ZSWIM5: variants seen among roughly 807,000 people sequenced by gnomAD.
ZSWIM5 encodes zinc finger SWIM domain-containing protein 5.
A neutral mutation model predicts 119.6 loss-of-function variants in ZSWIM5; 55 were observed. The ratio of observed to expected loss-of-function variants is 0.46; its 90% confidence interval spans 0.37 to 0.58. The LOEUF (loss-of-function observed/expected upper bound fraction) is 0.58. ZSWIM5 is among the 20% of genes least tolerant of loss of function. The pLI is 0.00. For synonymous variants in ZSWIM5, 537 were observed against 606.9 expected (o/e 0.88, Z 1.69); for missense variants, 1,193 against 1,512.8 (o/e 0.79, Z 3.51).
chr1:45,051,710 CA>C (rs1297535628), intron 4 of ZSWIM5, among the ~76,000 whole-genome samples: 1 of 152,144 alleles, frequency 6.6e-6, no homozygotes, highest in Non-Finnish European at 1.5e-5. Context: ...GGGCATTTAA[CA>C]CAAGGACATG....
chr1:45,054,801 A>G (rs1396099027), intron 4 of ZSWIM5, among the ~76,000 whole-genome samples: 1 of 152,126 alleles, frequency 6.6e-6, no homozygotes, highest in Non-Finnish European at 1.5e-5. Context: ...ATGTAAAAGA[A>G]AATAGGGAAT....
At chr1:45,133,628 G>A (rs1014437085) in intron 1 of ZSWIM5, among the ~76,000 whole-genome samples, 19 of 152,138 alleles carry the variant, frequency 1.2e-4, no homozygotes, top group Admixed American at 9.8e-4. Context: ...GATCCCATTT[G>A]TCAATTTTGG....
chr1:45,173,142 G>A (rs1225867429), intron 1 of ZSWIM5, among the ~76,000 whole-genome samples: 2 of 152,068 alleles, frequency 1.3e-5, no homozygotes, highest in East Asian at 3.8e-4. Flanking sequence ...TCCAGCCTGG[G>A]TGACATAGCA....
At chr1:45,070,055 G>A (rs940242155) in intron 2 of ZSWIM5, 55 of 853,900 alleles carry the variant, frequency 6.4e-5, no homozygotes, top group Non-Finnish European at 1.1e-4. Context: ...AGACACACAC[G>A]AATCCAATGA....
At chr1:45,078,436 C>G (rs935965487) in intron 2 of ZSWIM5, among the ~76,000 whole-genome samples, 2 of 152,160 alleles carry the variant, frequency 1.3e-5, no homozygotes, top group African/African-American at 4.8e-5. Context: ...AGAGGTACTA[C>G]CTTGGTGGTC....
In ZSWIM5 at chr1:45,205,915, C is replaced by A; in HGVS notation, c.436G>T (p.Ala146Ser). ...CCGGGGGCGGAGCCGGCCGGAGCGG[C>A]GGCCCCGGGGGGTGGCTGCGGCCCC... ...EEGPQPPPGAAAPAGSAPGGV... is the reference protein window; with the variant it reads ...EEGPQPPPGASAPAGSAPGGV... The change falls in exon 1 of 14, where the codon GCC becomes TCC. Residue 146 changes from alanine to serine, a missense_variant. This residue lies in a region of ZSWIM5 where 232 missense variants were observed against 222.9 expected (regional missense o/e 1.04). Coordinates refer to ENST00000359600, the MANE Select transcript of ZSWIM5 (RefSeq NM_020883.2). 1 of 1,066,452 alleles carries A rather than the reference C, an allele frequency of 9.4e-7. No homozygotes were observed. The allele number at this position is 1,066,452 out of a possible 1,614,324, so 66.1% of individuals were successfully genotyped here. A position where few individuals can be genotyped will look rare whatever the true frequency, so the allele number is the denominator to read the frequency against.
intron 5 of ZSWIM5, among the ~76,000 whole-genome samples, chr1:45,048,903 T>C (rs1557748199): frequency 6.6e-6 from 1 of 152,146 alleles, no homozygotes; most frequent in Admixed American, 6.6e-5. Context: ...GGAGGATTGC[T>C]TCAGCTCAGG....
At position 45,075,211 on chromosome 1, in the gene ZSWIM5, A is replaced by G. The variant is rs893837803; in HGVS notation, c.952+12670T>C. Among the ~76,000 whole-genome samples the G allele has an allele frequency of 6.6e-5, 10 of 151,948 alleles. 1 individual carries two copies. The highest frequency in any genetic ancestry group is 2.4e-4 in the African/African-American group (10 of 41,244). ...GCTGCTGGCTGAAATGTTCGTAAAT[A>G]TCTATTAGTTGCATTTGGTCTATAG... On this transcript the variant is annotated intron_variant, in intron 2 of 13. Transcript: ENST00000359600.
intron 1 of ZSWIM5, among the ~76,000 whole-genome samples, chr1:45,158,810 T>C (rs1046441194): frequency 2.0e-5 from 3 of 152,164 alleles, no homozygotes; most frequent in Admixed American, 6.5e-5. Flanking sequence ...TACAAATCAT[T>C]ACAATAGAGA....
chr1:45,016,721 C>T lies in ZSWIM5; in HGVS notation c.*1733G>A, dbSNP rs901578192. 2.0e-5 allele frequency: 3 copies of T among 152,196 alleles called. No individual in the cohort carries two copies. The highest frequency in any genetic ancestry group is 6.5e-5 in the Admixed American group (1 of 15,286). 9.4% of individuals were successfully genotyped at this position (152,196 alleles called of 1,614,324 possible). A position where few individuals can be genotyped will look rare whatever the true frequency, so the allele number is the denominator to read the frequency against. ...ACCACCCCTTCCCTATCAAACCCCA[C>T]CCCCAACTCAGGAACTAAGACATGA... On this transcript the variant is annotated 3_prime_UTR_variant, in exon 14 of 14. Transcript: ENST00000359600.
In ZSWIM5 at chr1:45,043,264, T is replaced by C. The variant is rs756839690; in HGVS notation, c.1564A>G (p.Ser522Gly). The change falls in exon 6 of 14, where the codon AGT (serine) becomes GGT (glycine). Residue 522 changes from serine to glycine, a missense_variant. Transcript: ENST00000359600. Reference protein sequence around the residue: ...VYTAPACQRESERLLFNSQGQ... With the variant: ...VYTAPACQREGERLLFNSQGQ... ...TGGGAATTAAAGAGTAGTCTTTCAC[T>C]TTCCCGCTGGCAGGCAGGAGCTGTA... 6.2e-7 allele frequency: 1 copy of C among 1,614,148 alleles called. No homozygotes were observed. The highest frequency in any genetic ancestry group is 1.7e-5 in the Admixed American group (1 of 60,020).
In ZSWIM5 at chr1:45,051,269, A is replaced by G; in HGVS notation, c.1253-16T>C. The G allele has an allele frequency of 6.2e-7, 1 of 1,608,814 alleles. No homozygotes were observed. The highest frequency in any genetic ancestry group is 8.5e-7 in the Non-Finnish European group (1 of 1,177,862). On this transcript the variant is annotated splice_polypyrimidine_tract_variant and intron_variant, in intron 4 of 13. Coordinates refer to ENST00000359600, the MANE Select transcript of ZSWIM5 (RefSeq NM_020883.2). ...CATAAAGCCCCTGGAAAATAAAGCA[A>G]CCCATATTCTTAACATCTCTCCTTT...
At chr1:45,166,269 C>G (rs923027933) in intron 1 of ZSWIM5, among the ~76,000 whole-genome samples, 1 of 151,990 alleles carries the variant, frequency 6.6e-6, no homozygotes, top group Non-Finnish European at 1.5e-5. Context: ...CTTCAACAGC[C>G]CTTCATGCTA....
chr1:45,111,202 A>G (rs1219956271), intron 1 of ZSWIM5, among the ~76,000 whole-genome samples: 1 of 152,204 alleles, frequency 6.6e-6, no homozygotes, highest in African/African-American at 2.4e-5. Context: ...GTGAGTAGGA[A>G]GGAGGCAGAT....
intron 1 of ZSWIM5, among the ~76,000 whole-genome samples, chr1:45,114,642 TC>T (rs1023598093): frequency 4.0e-5 from 6 of 150,778 alleles, no homozygotes; most frequent in African/African-American, 1.2e-4. Context: ...GTACTCTGTA[TC>T]TTTTTTTTTT....
chr1:45,161,634 A>T (rs1237189337), intron 1 of ZSWIM5, among the ~76,000 whole-genome samples: 1 of 152,212 alleles, frequency 6.6e-6, no homozygotes, highest in Non-Finnish European at 1.5e-5. Flanking sequence ...GTGGTAACTA[A>T]GAAGTGTGCA....
chr1:45,196,384 C>A (rs1240790076), intron 1 of ZSWIM5, among the ~76,000 whole-genome samples: 2 of 76,358 alleles, frequency 2.6e-5, no homozygotes, highest in Non-Finnish European at 5.0e-5. Context: ...CCCACAATTC[C>A]TTTTTTTTTT....
At chr1:45,135,365 T>C (rs544399485) in intron 1 of ZSWIM5, among the ~76,000 whole-genome samples, 2 of 152,234 alleles carry the variant, frequency 1.3e-5, no homozygotes, top group Admixed American at 6.5e-5. Context: ...AATGTGAATA[T>C]ACTTAACACT....
At chr1:45,032,496 T>A (rs892489657) in intron 11 of ZSWIM5, among the ~76,000 whole-genome samples, 1 of 151,346 alleles carries the variant, frequency 6.6e-6, no homozygotes, top group East Asian at 1.9e-4. Flanking sequence ...TTGTTTTTTT[T>A]TTTTTTTTGA....
Sources: gnomAD v4.1 joint callset for allele counts (sites outside exome capture counted in the v4.1 genomes callset) on GRCh38, gnomAD v4.1.1 for gene constraint, gnomAD v4.1.1 regional missense constraint, MANE v1.5 for transcripts, NCBI Gene and HGNC (gene_info 2026-07-23, HGNC 2026-07-21) for gene names.